The following GALNT14 variants were observed in gnomAD, a reference collection of about 807,000 sequenced individuals.
GALNT14 encodes the protein UDP-GalNAc:polypeptide N-acetylgalactosaminyltransferase 14.
In GALNT14, 60 loss-of-function variants were observed where a neutral mutation model predicts 77.5. The observed-to-expected ratio is 0.77, with a 90% CI of 0.63 to 0.96. GALNT14 has a LOEUF of 0.96. GALNT14 is among the 40% of genes least tolerant of loss of function. GALNT14 has a pLI of 0.00. For missense variants in GALNT14, 710 were observed against 731.0 expected (o/e 0.97, Z 0.33); for synonymous variants, 280 against 281.7 (o/e 0.99, Z 0.06).
chr2:30,942,610 C>G (rs1573005548), intron 8 of GALNT14, among the ~76,000 whole-genome samples: 1 of 152,182 alleles, frequency 6.6e-6, no homozygotes, highest in Non-Finnish European at 1.5e-5. Context: ...ACTCAGGACT[C>G]CTGCTATTCC....
intron 1 of GALNT14, among the ~76,000 whole-genome samples, chr2:31,084,085 C>T (rs1261033182): frequency 6.6e-6 from 1 of 152,188 alleles, no homozygotes; most frequent in Non-Finnish European, 1.5e-5. Context: ...CTCAGCTCAG[C>T]CACTCCACAA....
intron 1 of GALNT14, among the ~76,000 whole-genome samples, chr2:31,015,297 G>GAAA (rs57122032): frequency 1.7e-5 from 2 of 121,026 alleles, no homozygotes; most frequent in African/African-American, 3.0e-5. Flanking sequence ...CATCTCAAAG[G>GAAA]AAAAAAAAAA....
At chr2:30,974,453 A>T (rs566513765) in intron 2 of GALNT14, among the ~76,000 whole-genome samples, 1 of 152,318 alleles carries the variant, frequency 6.6e-6, no homozygotes, top group Non-Finnish European at 1.5e-5. Context: ...ACTCTTAATC[A>T]TGGCTCACCA....
intron 13 of GALNT14, among the ~76,000 whole-genome samples, chr2:30,921,624 G>C (rs984638149): frequency 1.3e-5 from 2 of 152,182 alleles, no homozygotes; most frequent in Admixed American, 6.5e-5. Flanking sequence ...AGGAGCCATC[G>C]ATGTCTGTGC....
At chr2:30,941,331 C>T (rs1374900109) in intron 9 of GALNT14, among the ~76,000 whole-genome samples, 2 of 152,226 alleles carry the variant, frequency 1.3e-5, no homozygotes, top group Non-Finnish European at 2.9e-5. Context: ...TGGACCCCAA[C>T]CCCTGCCCTC....
intron 1 of GALNT14, among the ~76,000 whole-genome samples, chr2:31,131,902 T>G (rs1014744164): frequency 4.6e-5 from 7 of 152,236 alleles, no homozygotes; most frequent in Admixed American, 3.3e-4. Context: ...TTAATGGATC[T>G]TCCCTTCCTG....
At chr2:31,087,777 G>C (rs1676521321) in intron 1 of GALNT14, among the ~76,000 whole-genome samples, 1 of 152,206 alleles carries the variant, frequency 6.6e-6, no homozygotes, top group Admixed American at 6.5e-5. Context: ...TGATGCTATA[G>C]ACTGAAGGTT....
intron 1 of GALNT14, among the ~76,000 whole-genome samples, chr2:31,066,562 G>C (rs1434629196): frequency 6.6e-6 from 1 of 152,150 alleles, no homozygotes; most frequent in African/African-American, 2.4e-5. Context: ...CCTCAGAAAT[G>C]CTGACAGGAG....
chr2:30,912,385 A>C (rs1339228699), intron 13 of GALNT14, 43 bp from the exon 14 acceptor site: 1 of 1,608,586 alleles, frequency 6.2e-7, no homozygotes, highest in Non-Finnish European at 8.5e-7. Flanking sequence ...GGATCCAGGA[A>C]GCCACCACTC....
chr2:30,948,033 T>C (rs1335531134), intron 6 of GALNT14, among the ~76,000 whole-genome samples: 1 of 152,200 alleles, frequency 6.6e-6, no homozygotes, highest in African/African-American at 2.4e-5. Context: ...TCTGTGGATA[T>C]GTCAACAGGA....
At chr2:30,963,661 C>G (rs1343986980) in intron 3 of GALNT14, among the ~76,000 whole-genome samples, 3 of 152,130 alleles carry the variant, frequency 2.0e-5, no homozygotes, top group African/African-American at 4.8e-5. Flanking sequence ...GAATTAGAAA[C>G]ATGAAAGATA....
chr2:31,068,956 TG>T (rs1346497106), intron 1 of GALNT14, among the ~76,000 whole-genome samples: 1 of 152,176 alleles, frequency 6.6e-6, no homozygotes, highest in East Asian at 1.9e-4. Context: ...GGCAAATGTG[TG>T]GAGACAGAAA....
intron 1 of GALNT14, among the ~76,000 whole-genome samples, chr2:31,004,313 T>A (rs1018094653): frequency 1.3e-5 from 2 of 151,912 alleles, no homozygotes; most frequent in Admixed American, 1.3e-4. Context: ...CACAGGAGGG[T>A]GAATTTGCCT....
chr2:30,892,341 T>G, the GALNT14 span, among the ~76,000 whole-genome samples: 42 of 152,168 alleles, frequency 2.8e-4, no homozygotes, highest in Non-Finnish European at 4.6e-4. Context: ...GGTTTCCAAA[T>G]TGAAATTTGG....
At chr2:30,945,440 A>G (rs1666629172) in intron 7 of GALNT14, among the ~76,000 whole-genome samples, 1 of 152,234 alleles carries the variant, frequency 6.6e-6, no homozygotes. Flanking sequence ...TTAACAGAAT[A>G]ATCACGTCTC....
intron 1 of GALNT14, among the ~76,000 whole-genome samples, chr2:31,010,089 G>C (rs1015102758): frequency 6.6e-6 from 1 of 152,178 alleles, no homozygotes; most frequent in South Asian, 2.1e-4. Flanking sequence ...GAGTTCAAGC[G>C]GTTCTCATGC....
chr2:31,009,645 G>C (rs7570247), intron 1 of GALNT14, among the ~76,000 whole-genome samples: 8,306 of 152,224 alleles, frequency 0.055, 683 homozygotes, highest in African/African-American at 0.18. Flanking sequence ...ATCTCACCTT[G>C]CATGGATTTC....
At chr2:31,086,185 G>T (rs1396775424) in intron 1 of GALNT14, among the ~76,000 whole-genome samples, 1 of 152,168 alleles carries the variant, frequency 6.6e-6, no homozygotes, top group Non-Finnish European at 1.5e-5. Context: ...AGGACCTCTG[G>T]ACTTGGGCCA....
At chr2:30,989,010 C>T (rs557169466) in intron 2 of GALNT14, among the ~76,000 whole-genome samples, 11 of 152,240 alleles carry the variant, frequency 7.2e-5, no homozygotes, top group East Asian at 5.8e-4. Flanking sequence ...CCATCTCAGA[C>T]GTACTAAATC....
Sources: allele counts gnomAD v4.1 joint callset (sites outside exome capture counted in the v4.1 genomes callset), GRCh38; gene constraint gnomAD v4.1.1; transcripts MANE v1.5; gene names NCBI Gene and HGNC (gene_info 2026-07-23, HGNC 2026-07-21).